The following RBM25 variants were observed in gnomAD, a reference collection of about 807,000 sequenced individuals.
The protein encoded by RBM25 is RNA-binding protein 25.
RBM25 carries 19 observed loss-of-function variants against 120.7 expected under a neutral mutation model. The observed-to-expected ratio is 0.16, with a 90% CI of 0.11 to 0.23. The LOEUF (loss-of-function observed/expected upper bound fraction) is 0.23, where lower values mean the gene tolerates loss of function less well. Among genes scored for constraint, RBM25 ranks in the 10% least tolerant of loss-of-function variants. The pLI, the probability that RBM25 is intolerant of heterozygous loss-of-function variation, is 1.00. For synonymous variants in RBM25, 390 were observed against 326.7 expected, an observed-to-expected ratio of 1.19 and a Z score of -2.09; for missense variants, 605 against 1,041.5, an observed-to-expected ratio of 0.58 and a Z score of 5.77.
At chr14:73,113,273 G>A (rs1896353234) in intron 17 of RBM25, among the ~76,000 whole-genome samples, 1 of 151,994 alleles carries the variant, frequency 6.6e-6, no homozygotes, top group Admixed American at 6.5e-5. Context: ...TTTTAGTGGA[G>A]ATGGGGTTTC....
chr14:73,102,236 T>C (rs1382186651), intron 9 of RBM25: 4 of 152,220 alleles, frequency 2.6e-5, no homozygotes, highest in African/African-American at 9.6e-5. Flanking sequence ...TTTACCTGTT[T>C]GGGGTATTTT....
rs564578111 is a variant in RBM25, at chr14:73,085,689, C to T, written c.382+2138C>T. ...CTTGAACACGTGACTTCAGGTGATC[C>T]GCCCACCTCAGTCTCCCAAAGTGCT... is the stretch of plus-strand genomic sequence containing the variant. On this transcript the variant is annotated intron_variant, in intron 5 of 18. Transcript: ENST00000261973. 3.7e-4 allele frequency among the ~76,000 whole-genome samples: 56 copies of T among 151,240 alleles called. 1 individual carries two copies. The highest frequency in any genetic ancestry group is 1.2e-3 in the African/African-American group (50 of 41,258).
chr14:73,114,814 G>A (rs533173971), intron 18 of RBM25, among the ~76,000 whole-genome samples: 1 of 152,276 alleles, frequency 6.6e-6, no homozygotes, highest in South Asian at 2.1e-4. Context: ...AGAATCACTT[G>A]AACCTGTGAG....
Position 73,120,598 on chromosome 14 carries a change from T to C in RBM25, c.*793T>C, listed in dbSNP as rs1484279034. 6.6e-6 allele frequency: 1 copy of C among 152,266 alleles called. No individual in the cohort carries two copies. Among genetic ancestry groups the C allele is most frequent in the Non-Finnish European group, 1.5e-5 (1 of 68,028 alleles). 9.4% of individuals were successfully genotyped at this position (152,266 alleles called of 1,614,324 possible). A position where few individuals can be genotyped will look rare whatever the true frequency, so the allele number is the denominator to read the frequency against. On this transcript the variant is annotated 3_prime_UTR_variant, in exon 19 of 19. Transcript: ENST00000261973. ...TTAAAGGAATGTGGATCATAGTGAT[T>C]TTTCCTTTTAATTTTATTGCTCAGA...
intron 16 of RBM25, 59 bp from the exon 17 acceptor site, chr14:73,112,093 T>G: frequency 6.9e-7 from 1 of 1,442,072 alleles, no homozygotes; most frequent in East Asian, 2.3e-5. Flanking sequence ...CATGAAGCTT[T>G]AATAACTGTT....
chr14:73,093,065 G>T (rs1895854441), intron 6 of RBM25, among the ~76,000 whole-genome samples: 2 of 152,160 alleles, frequency 1.3e-5, no homozygotes, highest in South Asian at 4.1e-4. Flanking sequence ...CTTTCTGGCT[G>T]TCCAGCAAAA....
intron 18 of RBM25, among the ~76,000 whole-genome samples, chr14:73,116,315 A>C (rs1896426469): frequency 6.6e-6 from 1 of 152,224 alleles, no homozygotes. Flanking sequence ...ATCATCAAGC[A>C]TGATATGAAA....
At chr14:73,112,058 A>G (rs1401973697) in intron 16 of RBM25, 94 bp from the exon 17 acceptor site, 6 of 1,222,800 alleles carry the variant, frequency 4.9e-6, no homozygotes, top group East Asian at 2.4e-5. Flanking sequence ...GTGAAATAAC[A>G]TTATATTTTA....
chr14:73,079,309 A>G (rs896408220), intron 4 of RBM25, among the ~76,000 whole-genome samples: 2 of 150,390 alleles, frequency 1.3e-5, no homozygotes, highest in Admixed American at 6.6e-5. Context: ...TGCAATCCCA[A>G]CTACGCGGGA....
At chr14:73,108,449 ACCCCATCT>A (rs1730333599) in intron 13 of RBM25, among the ~76,000 whole-genome samples, 1 of 152,182 alleles carries the variant, frequency 6.6e-6, no homozygotes, top group Non-Finnish European at 1.5e-5. Flanking sequence ...CCCGTCTCTC[ACCCCATCT>A]CCAAATTGAT....
intron 9 of RBM25, 163 bp downstream of exon 9, chr14:73,099,913 A>T: frequency 9.0e-7 from 1 of 1,113,118 alleles, no homozygotes; most frequent in Non-Finnish European, 1.2e-6. Context: ...CCAATACCAT[A>T]TTAAAGTGGT....
Position 73,105,854 on chromosome 14 carries a change from A to G in RBM25, c.1155-5A>G. 1 of 1,607,188 alleles carries G rather than the reference A, an allele frequency of 6.2e-7. No individual in the cohort carries two copies. The highest frequency in any genetic ancestry group is 8.5e-7 in the Non-Finnish European group (1 of 1,177,978). ...CAGATTTGTAAAATATTTTGTTTACATTAGAGAAAAAAGCAGAGATCGTGA... is the reference window on the plus strand; with the variant it reads ...CAGATTTGTAAAATATTTTGTTTACGTTAGAGAAAAAAGCAGAGATCGTGA... On this transcript the variant is annotated splice_region_variant and splice_polypyrimidine_tract_variant and intron_variant, in intron 10 of 18. Coordinates refer to ENST00000261973, the MANE Select transcript of RBM25 (RefSeq NM_021239.3).
chr14:73,069,694 A>G (rs796649421), intron 1 of RBM25, among the ~76,000 whole-genome samples: 12 of 130,072 alleles, frequency 9.2e-5, no homozygotes, highest in African/African-American at 3.5e-4. Context: ...CGGCCTCCCA[A>G]AAGTGTTGGG....
chr14:73,112,063 A>G, intron 16 of RBM25, 89 bp from the exon 17 acceptor site: 1 of 1,248,320 alleles, frequency 8.0e-7, no homozygotes, highest in Non-Finnish European at 1.1e-6. Flanking sequence ...ATAACATTAT[A>G]TTTTAGTCTC....
chr14:73,087,160 CTCT>C (rs1895706313), intron 5 of RBM25, among the ~76,000 whole-genome samples: 2 of 151,972 alleles, frequency 1.3e-5, no homozygotes, highest in South Asian at 2.1e-4. Context: ...TTGTTGGTTG[CTCT>C]TCTTAGATTT....
intron 18 of RBM25, among the ~76,000 whole-genome samples, chr14:73,117,996 T>A (rs1270085940): frequency 6.6e-6 from 1 of 152,164 alleles, no homozygotes; most frequent in Admixed American, 6.5e-5. Context: ...CTATAACTCA[T>A]AAGTAGAGAG....
chr14:73,107,909 G>A lies in RBM25; in HGVS notation c.1541+10G>A. ...ACCCCAAATATTACAGGTAAAGAAG[G>A]CTTGTTCTGTGGATTCATACTTGGT... is the stretch of plus-strand genomic sequence containing the variant. On this transcript the variant is annotated intron_variant, in intron 13 of 18. Coordinates refer to ENST00000261973, the MANE Select transcript of RBM25 (RefSeq NM_021239.3). 1.3e-6 allele frequency: 2 copies of A among 1,562,128 alleles called. No homozygotes were observed. Among genetic ancestry groups the A allele is most frequent in the Non-Finnish European group, 1.7e-6 (2 of 1,143,984 alleles).
chr14:73,111,460 G>T, intron 15 of RBM25, 68 bp from the exon 16 acceptor site: 1 of 1,458,688 alleles, frequency 6.9e-7, no homozygotes, highest in Non-Finnish European at 9.2e-7. Context: ...GCTTTTGAGG[G>T]ATGGTGGGTT....
Position 73,119,865 on chromosome 14 carries a change from T to G in RBM25, c.*60T>G. 6 of 1,549,776 alleles carry G rather than the reference T, an allele frequency of 3.9e-6. No individual in the cohort carries two copies. The highest frequency in any genetic ancestry group is 1.4e-5 in the African/African-American group (1 of 71,462). On this transcript the variant is annotated 3_prime_UTR_variant, in exon 19 of 19. Transcript: ENST00000261973. ...TTCTTTGCCACCCTTTTAAGGACTT[T>G]GAATTTTTCTTTGTCTTTGAAGACA...
Sources: gnomAD v4.1 joint callset for allele counts (sites outside exome capture counted in the v4.1 genomes callset) on GRCh38, gnomAD v4.1.1 for gene constraint, MANE v1.5 for transcripts, NCBI Gene and HGNC (gene_info 2026-07-23, HGNC 2026-07-21) for gene names.